BRAF: variants seen among roughly 807,000 people sequenced by gnomAD.
BRAF encodes B-Raf proto-oncogene, serine/threonine kinase.
BRAF carries 16 observed loss-of-function variants against 104.6 expected under a neutral mutation model. That is an observed-to-expected ratio of 0.15 (90% confidence interval 0.10 to 0.23). BRAF has a LOEUF of 0.23. Ranked by LOEUF, BRAF falls within the 10% of genes least tolerant of loss-of-function variation. The pLI, the probability that BRAF is intolerant of heterozygous loss-of-function variation, is 1.00. For missense variants in BRAF, 541 were observed against 937.3 expected (o/e 0.58, Z 5.52); for synonymous variants, 310 against 341.6 (o/e 0.91, Z 1.02).
chr7:140,739,068 T>A (rs546812450), intron 18 of BRAF, among the ~76,000 whole-genome samples: 91 of 151,364 alleles, frequency 6.0e-4, no homozygotes, highest in Non-Finnish European at 1.1e-3. Context: ...CAGGCAGAAA[T>A]GCCCCTCAAA....
chr7:140,729,960 C>A lies in BRAF; in HGVS notation c.2402-3444G>T, dbSNP rs139990161. ...CTATCACTCTATCAAAAGTCTAGTG[C>A]TTCTAACAGAATGCAGTCCTTTTTA... On this transcript the variant is annotated intron_variant, in intron 19 of 19. Coordinates refer to ENST00000644969, the MANE Select transcript of BRAF (RefSeq NM_001374258.1). Among the ~76,000 whole-genome samples the A allele has an allele frequency of 3.2e-3, 482 of 152,256 alleles. 3 individuals carry two copies. Among genetic ancestry groups the A allele is most frequent in the Non-Finnish European group, 5.4e-3 (369 of 68,022 alleles).
chr7:140,923,339 A>G (rs1818435495), intron 1 of BRAF, among the ~76,000 whole-genome samples: 1 of 152,244 alleles, frequency 6.6e-6, no homozygotes, highest in Non-Finnish European at 1.5e-5. Flanking sequence ...TTATTATACC[A>G]TATCTTATTT....
rs185387646 is a variant in BRAF, at chr7:140,735,888, T to A, written c.2248-1118A>T. ...TTGTTTTTAAAAGTTAAATTTTTTTTAAAAAGTAATCTTTATGATGATTAG... is the reference window on the plus strand; with the variant it reads ...TTGTTTTTAAAAGTTAAATTTTTTTAAAAAAGTAATCTTTATGATGATTAG... On this transcript the variant is annotated intron_variant, in intron 18 of 19. Coordinates refer to ENST00000644969, the MANE Select transcript of BRAF (RefSeq NM_001374258.1). 6.9e-3 allele frequency among the ~76,000 whole-genome samples: 1,043 copies of A among 152,188 alleles called. 12 individuals carry two copies. Among genetic ancestry groups the A allele is most frequent in the African/African-American group, 0.023 (967 of 41,526 alleles).
chr7:140,913,173 C>A (rs929528564), intron 1 of BRAF, among the ~76,000 whole-genome samples: 1 of 151,850 alleles, frequency 6.6e-6, no homozygotes, highest in African/African-American at 2.4e-5. Flanking sequence ...ACTTTCATTG[C>A]TCCACAGCAC....
At position 140,808,351 on chromosome 7, in the gene BRAF, CAAAAAAAAAAAAAAAA is replaced by C. The variant is rs35843886; in HGVS notation, c.609-305_609-290del. ...CAGAAAATGGATTGTTCCTGGGGTC[CAAAAAAAAAAAAAAAA>C]AAAAAAAAAATCACAGGTACGGACT... On this transcript the variant is annotated intron_variant, in intron 4 of 19. Coordinates refer to ENST00000644969, the MANE Select transcript of BRAF (RefSeq NM_001374258.1). 5.6e-4 allele frequency: 111 copies of C among 199,092 alleles called. No individual in the cohort carries two copies. In the African/African-American group the frequency reaches 5.8e-3, roughly 10 times the overall value. The allele number at this position is 199,092 out of a possible 1,614,324, so 12.3% of individuals were successfully genotyped here. A position where few individuals can be genotyped will look rare whatever the true frequency, so the allele number is the denominator to read the frequency against.
At chr7:140,894,644 A>AT in intron 1 of BRAF, among the ~76,000 whole-genome samples, 1 of 152,312 alleles carries the variant, frequency 6.6e-6, no homozygotes, top group East Asian at 1.9e-4. Flanking sequence ...AATAAGATTT[A>AT]TAAAAAATCA....
chr7:140,790,494 A>G (rs572261789), intron 8 of BRAF, among the ~76,000 whole-genome samples: 2 of 152,342 alleles, frequency 1.3e-5, no homozygotes, highest in Non-Finnish European at 2.9e-5. Flanking sequence ...TCTAATATCT[A>G]TAACTATTTG....
intron 6 of BRAF, 68 bp from the exon 7 acceptor site, chr7:140,800,549 G>A: frequency 6.2e-7 from 1 of 1,609,056 alleles, no homozygotes; most frequent in South Asian, 1.1e-5. Flanking sequence ...AAAATACATA[G>A]TTAACCAAAA....
chr7:140,877,387 T>A (rs1297976238), intron 1 of BRAF, among the ~76,000 whole-genome samples: 1 of 151,668 alleles, frequency 6.6e-6, no homozygotes, highest in Non-Finnish European at 1.5e-5. Flanking sequence ...ATAGCTGGAA[T>A]TACAGGCATG....
intron 1 of BRAF, among the ~76,000 whole-genome samples, chr7:140,888,899 T>C (rs1283851980): frequency 6.6e-6 from 1 of 152,038 alleles, no homozygotes; most frequent in Non-Finnish European, 1.5e-5. Context: ...CTCAAGACAT[T>C]TGGAAATGTC....
At chr7:140,821,661 G>A (rs1013686977) in intron 3 of BRAF, among the ~76,000 whole-genome samples, 3 of 152,048 alleles carry the variant, frequency 2.0e-5, no homozygotes, top group South Asian at 2.1e-4. Flanking sequence ...AGGCACTGTG[G>A]AAAGCAGTTT....
At chr7:140,802,855 T>C (rs759628045) in intron 5 of BRAF, among the ~76,000 whole-genome samples, 14 of 152,230 alleles carry the variant, frequency 9.2e-5, no homozygotes, top group South Asian at 2.1e-4. Context: ...ACAATGTTTA[T>C]CATAAAAGTC....
intron 1 of BRAF, among the ~76,000 whole-genome samples, chr7:140,897,895 T>C (rs1815144212): frequency 6.6e-6 from 1 of 152,036 alleles, no homozygotes; most frequent in East Asian, 1.9e-4. Context: ...AACAACAACA[T>C]ATGTCTTTAT....
At chr7:140,872,613 G>A (rs1186018808) in intron 1 of BRAF, among the ~76,000 whole-genome samples, 1 of 152,170 alleles carries the variant, frequency 6.6e-6, no homozygotes, top group Non-Finnish European at 1.5e-5. Context: ...CCAGCACTTT[G>A]GGAGGTTGAG....
intron 19 of BRAF, among the ~76,000 whole-genome samples, chr7:140,729,683 C>A (rs1322223250): frequency 6.6e-6 from 1 of 151,932 alleles, no homozygotes; most frequent in South Asian, 2.1e-4. Context: ...GAGGCTGAGG[C>A]AGGAGAATCA....
chr7:140,802,292 C>CTTTTTT (rs144953895), intron 5 of BRAF, among the ~76,000 whole-genome samples: 9 of 103,306 alleles, frequency 8.7e-5, no homozygotes, highest in Non-Finnish European at 1.3e-4. Flanking sequence ...ATGTTTGTGT[C>CTTTTTT]TTTTTTTTTT....
intron 3 of BRAF, among the ~76,000 whole-genome samples, chr7:140,832,613 A>G (rs903999354): frequency 6.6e-6 from 1 of 152,230 alleles, no homozygotes; most frequent in South Asian, 2.1e-4. Flanking sequence ...TAAGTTCACG[A>G]TATACAGTTT....
At chr7:140,900,860 C>G (rs1019823327) in intron 1 of BRAF, among the ~76,000 whole-genome samples, 3 of 152,226 alleles carry the variant, frequency 2.0e-5, no homozygotes, top group Non-Finnish European at 4.4e-5. Context: ...ATCCAACCGC[C>G]TTGGCCTCCC....
chr7:140,840,403 T>C (rs1284382606), intron 2 of BRAF, among the ~76,000 whole-genome samples: 46 of 151,734 alleles, frequency 3.0e-4, no homozygotes, highest in Admixed American at 3.0e-3. Flanking sequence ...ATTTAAACTT[T>C]TGTACTTCAA....
Sources: gnomAD v4.1 joint callset for allele counts (sites outside exome capture counted in the v4.1 genomes callset) on GRCh38, gnomAD v4.1.1 for gene constraint, MANE v1.5 for transcripts, NCBI Gene and HGNC (gene_info 2026-07-23, HGNC 2026-07-21) for gene names.